GOLGA7B: variants seen among roughly 807,000 people sequenced by gnomAD.
The protein encoded by GOLGA7B is golgin subfamily A member 7B.
GOLGA7B carries 17 observed loss-of-function variants against 21.5 expected under a neutral mutation model. The ratio of observed to expected loss-of-function variants is 0.79; its 90% CI spans 0.54 to 1.19. GOLGA7B has a LOEUF of 1.19. Ranked by LOEUF, GOLGA7B falls within the 50% of genes most tolerant of loss-of-function variation. GOLGA7B has a pLI of 0.00. For missense variants in GOLGA7B, 169 were observed against 224.4 expected (o/e 0.75, Z 1.58); for synonymous variants, 87 against 84.0 (o/e 1.04, Z -0.19).
In GOLGA7B at chr10:97,865,843, C is replaced by T; in HGVS notation, c.*143C>T. 7.9e-7 allele frequency: 1 copy of T among 1,268,752 alleles called. No homozygotes were observed. Among genetic ancestry groups the T allele is most frequent in the African/African-American group, 1.5e-5 (1 of 66,672 alleles). 78.6% of individuals were successfully genotyped at this position (1,268,752 alleles called of 1,614,324 possible). ...CGGGGTGGGAGGGAGGGTGACGGGC[C>T]TCATATTTCCTGTGGGCCATCAACC... On this transcript the variant is annotated 3_prime_UTR_variant, in exon 5 of 5. Coordinates refer to ENST00000370602, the MANE Select transcript of GOLGA7B (RefSeq NM_001010917.3).
chr10:97,855,299 C>T (rs774376422), intron 1 of GOLGA7B, among the ~76,000 whole-genome samples: 1 of 152,126 alleles, frequency 6.6e-6, no homozygotes, highest in Non-Finnish European at 1.5e-5. Context: ...TCACATGGAA[C>T]CAAAAGAGAA....
chr10:97,865,853 C>T lies in GOLGA7B; in HGVS notation c.*153C>T. ...GGGAGGGTGACGGGCCTCATATTTC[C>T]TGTGGGCCATCAACCTATGCCCCCT... On this transcript the variant is annotated 3_prime_UTR_variant, in exon 5 of 5. Transcript: ENST00000370602. 5 of 1,267,404 alleles carry T rather than the reference C, an allele frequency of 3.9e-6. No homozygotes were observed. The highest frequency in any genetic ancestry group is 2.8e-4 in the Middle Eastern group (1 of 3,536). 78.5% of individuals were successfully genotyped at this position (1,267,404 alleles called of 1,614,324 possible). A position where few individuals can be genotyped will look rare whatever the true frequency, so the allele number is the denominator to read the frequency against.
intron 1 of GOLGA7B, among the ~76,000 whole-genome samples, chr10:97,856,958 C>G (rs961350216): frequency 9.9e-5 from 15 of 151,986 alleles, no homozygotes; most frequent in Non-Finnish European, 1.8e-4. Flanking sequence ...TTGAGTTCCT[C>G]ATAGATTCTG....
chr10:97,851,452 A>G (rs2049905354), intron 1 of GOLGA7B, among the ~76,000 whole-genome samples: 1 of 152,180 alleles, frequency 6.6e-6, no homozygotes, highest in East Asian at 1.9e-4. Flanking sequence ...TGGCATTCTG[A>G]CAAGGCACAA....
At chr10:97,856,031 A>G (rs1202600372) in intron 1 of GOLGA7B, among the ~76,000 whole-genome samples, 2 of 152,184 alleles carry the variant, frequency 1.3e-5, no homozygotes, top group African/African-American at 4.8e-5. Flanking sequence ...TACTTTATTG[A>G]TAACCTTTCC....
chr10:97,859,705 C>A, intron 2 of GOLGA7B, 122 bp downstream of exon 2: 2 of 990,330 alleles, frequency 2.0e-6, no homozygotes, highest in South Asian at 2.1e-5. Flanking sequence ...ACATGTTTGG[C>A]CACTTCAAAA....
intron 1 of GOLGA7B, among the ~76,000 whole-genome samples, chr10:97,853,901 T>C (rs959226584): frequency 6.6e-6 from 1 of 152,228 alleles, no homozygotes; most frequent in Non-Finnish European, 1.5e-5. Flanking sequence ...ATTCTTTATT[T>C]AGAGGTCTTA....
intron 1 of GOLGA7B, among the ~76,000 whole-genome samples, chr10:97,856,133 G>T (rs926658131): frequency 3.9e-5 from 6 of 152,018 alleles, no homozygotes; most frequent in Admixed American, 6.6e-5. Flanking sequence ...TGTTACATGG[G>T]TATATTGCAT....
At chr10:97,862,429 T>A (rs2049976857) in intron 2 of GOLGA7B, among the ~76,000 whole-genome samples, 1 of 152,240 alleles carries the variant, frequency 6.6e-6, no homozygotes, top group Non-Finnish European at 1.5e-5. Flanking sequence ...ACAAACAGTT[T>A]ATTAACACAC....
At chr10:97,863,846 C>T in intron 2 of GOLGA7B, 84 bp from the exon 3 acceptor site, 1 of 1,422,142 alleles carries the variant, frequency 7.0e-7, no homozygotes, top group Non-Finnish European at 9.6e-7. Context: ...CTACATGGCC[C>T]CACCATTGTC....
At chr10:97,861,237 GAGTT>G (rs755601969) in intron 2 of GOLGA7B, among the ~76,000 whole-genome samples, 2 of 152,212 alleles carry the variant, frequency 1.3e-5, no homozygotes, top group African/African-American at 4.8e-5. Flanking sequence ...TGACTTATGG[GAGTT>G]AGTAAGTACC....
intron 1 of GOLGA7B, among the ~76,000 whole-genome samples, chr10:97,852,853 G>A (rs913728621): frequency 2.6e-5 from 4 of 152,072 alleles, no homozygotes; most frequent in Non-Finnish European, 5.9e-5. Flanking sequence ...GAGGGATGGA[G>A]CCTCCTGAGT....
intron 1 of GOLGA7B, 52 bp from the exon 2 acceptor site, chr10:97,859,406 A>G (rs1487622805): frequency 1.1e-5 from 17 of 1,588,730 alleles, no homozygotes; most frequent in Non-Finnish European, 1.5e-5. Context: ...CATTTGGGAT[A>G]TGCCGAGATG....
chr10:97,852,029 A>G (rs975890190), intron 1 of GOLGA7B, among the ~76,000 whole-genome samples: 2 of 152,230 alleles, frequency 1.3e-5, no homozygotes, highest in East Asian at 1.9e-4. Flanking sequence ...CAATTAACAG[A>G]TGAGACAACT....
At chr10:97,862,518 T>C (rs947905830) in intron 2 of GOLGA7B, among the ~76,000 whole-genome samples, 3 of 152,306 alleles carry the variant, frequency 2.0e-5, no homozygotes, top group Middle Eastern at 3.4e-3. Context: ...AAGAAAATCA[T>C]AAGGAGAAGA....
Position 97,850,296 on chromosome 10 carries a change from C to T in GOLGA7B, c.-8C>T, listed in dbSNP as rs1172944054. On this transcript the variant is annotated 5_prime_UTR_variant, in exon 1 of 5. Transcript: ENST00000370602. ...GGCCCCGCGACAGCCTCCGAGCGCC[C>T]CCGGATCATGGCCACCGAGGTAGGG... The T allele has an allele frequency of 7.9e-6, 12 of 1,513,714 alleles. No individual in the cohort carries two copies. In the South Asian group the frequency reaches 1.5e-4, roughly 19 times the overall value. 93.8% of individuals were successfully genotyped at this position (1,513,714 alleles called of 1,614,324 possible).
At chr10:97,853,110 AAT>A (rs1183163668) in intron 1 of GOLGA7B, among the ~76,000 whole-genome samples, 1 of 152,184 alleles carries the variant, frequency 6.6e-6, no homozygotes, top group Non-Finnish European at 1.5e-5. Flanking sequence ...TGAGGCATGG[AAT>A]TAATGATGAG....
chr10:97,857,329 G>A (rs2049941589), intron 1 of GOLGA7B, among the ~76,000 whole-genome samples: 1 of 144,280 alleles, frequency 6.9e-6, no homozygotes, highest in Non-Finnish European at 1.5e-5. Context: ...CATTGAATAG[G>A]GAGTCCTTTC....
At chr10:97,863,147 T>C (rs545748328) in intron 2 of GOLGA7B, among the ~76,000 whole-genome samples, 1 of 152,240 alleles carries the variant, frequency 6.6e-6, no homozygotes, top group Non-Finnish European at 1.5e-5. Context: ...GGGAGGCCAG[T>C]GAAGGGGCCA....
Sources: gnomAD v4.1 joint callset for allele counts (sites outside exome capture counted in the v4.1 genomes callset) on GRCh38, gnomAD v4.1.1 for gene constraint, MANE v1.5 for transcripts, NCBI Gene and HGNC (gene_info 2026-07-23, HGNC 2026-07-21) for gene names.